CFAP263: variants seen among roughly 807,000 people sequenced by gnomAD.
The protein encoded by CFAP263 is cilia- and flagella-associated protein 263.
At chr16:58,253,896 TG>T in the CFAP263 span, 1 of 1,265,308 alleles carries the variant, frequency 7.9e-7, no homozygotes, top group Non-Finnish European at 1.1e-6. Flanking sequence ...GCTGTCACTC[TG>T]GGGAACTTCT....
the CFAP263 span, among the ~76,000 whole-genome samples, chr16:58,263,311 T>C: frequency 6.6e-6 from 1 of 152,222 alleles, no homozygotes; most frequent in Admixed American, 6.5e-5. Context: ...AAAATTGGTT[T>C]CTTCCCCCAG....
At chr16:58,252,581 T>C in the CFAP263 span, 5 of 619,630 alleles carry the variant, frequency 8.1e-6, no homozygotes, top group Non-Finnish European at 1.4e-5. Context: ...AAAAGTTAAG[T>C]GCTATTCTTA....
At chr16:58,254,436 T>C in the CFAP263 span, among the ~76,000 whole-genome samples, 202 of 152,316 alleles carry the variant, frequency 1.3e-3, no homozygotes, top group African/African-American at 4.6e-3. Flanking sequence ...GGAATGATCA[T>C]CAACATATGG....
the CFAP263 span, among the ~76,000 whole-genome samples, chr16:58,268,057 G>GAC: frequency 3.1e-4 from 32 of 102,480 alleles, no homozygotes; most frequent in African/African-American, 1.6e-3. Context: ...GAGAGAGAGA[G>GAC]AGAGAGGTCA....
the CFAP263 span, among the ~76,000 whole-genome samples, chr16:58,262,853 C>T: frequency 6.8e-6 from 1 of 147,480 alleles, no homozygotes; most frequent in Non-Finnish European, 1.5e-5. Context: ...GAGGTGAGGG[C>T]CATGCCTCTT....
chr16:58,272,995 T>TC, the CFAP263 span, among the ~76,000 whole-genome samples: 1 of 152,214 alleles, frequency 6.6e-6, no homozygotes, highest in African/African-American at 2.4e-5. Context: ...AGGTTTTTTT[T>TC]CTTTTCAGCC....
the CFAP263 span, among the ~76,000 whole-genome samples, chr16:58,257,268 C>T: frequency 7.1e-5 from 8 of 111,898 alleles, 2 homozygotes; most frequent in South Asian, 3.1e-3. Flanking sequence ...CCGCCCGCCT[C>T]GGCCTCCCAA....
At chr16:58,250,624 G>A in the CFAP263 span, among the ~76,000 whole-genome samples, 1 of 152,094 alleles carries the variant, frequency 6.6e-6, no homozygotes, top group East Asian at 1.9e-4. Flanking sequence ...AATTAGCCAG[G>A]CGTGGTGGCG....
the CFAP263 span, among the ~76,000 whole-genome samples, chr16:58,279,426 A>G: frequency 6.6e-6 from 1 of 152,172 alleles, no homozygotes; most frequent in South Asian, 2.1e-4. Flanking sequence ...GAAGTAGCAG[A>G]ATCGTGGCAG....
At chr16:58,257,365 T>C in the CFAP263 span, among the ~76,000 whole-genome samples, 2 of 152,234 alleles carry the variant, frequency 1.3e-5, no homozygotes, top group African/African-American at 4.8e-5. Context: ...TTTTGTAAAC[T>C]GTATTTTTCA....
chr16:58,252,171 C>G, the CFAP263 span, among the ~76,000 whole-genome samples: 16 of 152,020 alleles, frequency 1.1e-4, no homozygotes, highest in African/African-American at 3.6e-4. Flanking sequence ...GAGTTCATGG[C>G]CAGCCTTGAC....
chr16:58,279,724 C>T, the CFAP263 span: 12 of 1,611,222 alleles, frequency 7.4e-6, no homozygotes, highest in East Asian at 2.2e-5. Flanking sequence ...GGCTTGGAAT[C>T]GAATGAAAAT....
chr16:58,278,225 G>A, the CFAP263 span, among the ~76,000 whole-genome samples: 1 of 152,096 alleles, frequency 6.6e-6, no homozygotes, highest in South Asian at 2.1e-4. Flanking sequence ...TAAAGGAGAG[G>A]AAGAGGAAGG....
At chr16:58,280,925 T>G in the CFAP263 span, 1 of 612,520 alleles carries the variant, frequency 1.6e-6, no homozygotes, top group African/African-American at 1.8e-5. Context: ...CCACCACAAA[T>G]TCCAACAAGA....
the CFAP263 span, chr16:58,280,822 G>T: frequency 7.0e-7 from 1 of 1,418,454 alleles, no homozygotes; most frequent in Non-Finnish European, 9.5e-7. Context: ...ATCTATCCTT[G>T]TGCAATATAC....
At chr16:58,258,937 C>T in the CFAP263 span, among the ~76,000 whole-genome samples, 1 of 151,872 alleles carries the variant, frequency 6.6e-6, no homozygotes, top group African/African-American at 2.4e-5. Flanking sequence ...AAGATCATGC[C>T]ACTGCACTCC....
At chr16:58,258,284 G>T in the CFAP263 span, 1 of 1,225,830 alleles carries the variant, frequency 8.2e-7, no homozygotes, top group Middle Eastern at 2.0e-4. Context: ...GACACAAAGA[G>T]GCCTGGGAAC....
chr16:58,260,031 T>C, the CFAP263 span: 34 of 712,810 alleles, frequency 4.8e-5, no homozygotes, highest in Non-Finnish European at 8.1e-5. Flanking sequence ...ATCCATATCC[T>C]AAACCCTGGA....
chr16:58,256,536 C>T, the CFAP263 span, among the ~76,000 whole-genome samples: 1 of 152,176 alleles, frequency 6.6e-6, no homozygotes, highest in African/African-American at 2.4e-5. Flanking sequence ...GAAGACGCTA[C>T]TTTGGAGGCT....
Sources: gnomAD v4.1 joint callset for allele counts (sites outside exome capture counted in the v4.1 genomes callset) on GRCh38, gnomAD v4.1.1 for gene constraint, MANE v1.5 for transcripts, NCBI Gene and HGNC (gene_info 2026-07-23, HGNC 2026-07-21) for gene names.